Variants in PDK2 observed in about 807,000 individuals in gnomAD.
The protein encoded by PDK2 is pyruvate dehydrogenase kinase 2.
PDK2 carries 34 observed loss-of-function variants against 50.4 expected under a neutral mutation model. The observed-to-expected ratio is 0.68, with a 90% CI of 0.51 to 0.90. The LOEUF is 0.90. Ranked by LOEUF, PDK2 falls within the 40% of genes least tolerant of loss-of-function variation. The probability of loss-of-function intolerance (pLI) is 0.00; values close to 1 mark genes in which losing one functional copy is unlikely to be tolerated. For synonymous variants in PDK2, 232 were observed against 216.0 expected (o/e 1.07, Z -0.65); for missense variants, 377 against 544.5 (o/e 0.69, Z 3.06).
chr17:50,105,441 C>T lies in PDK2; in HGVS notation c.331C>T (p.Gln111Ter). ...KDPEDHRTLS[Q>*]FTDALVTIRN... ...TCCCGAGGACCATCGCACCCTGAGC[C>T]AGTGAGTGGGGGCCCTGGGTGGGGC... Residue 111 changes from glutamine (Q) to a stop codon, truncating the protein, a stop_gained and splice_region_variant, in exon 3 of 11, where the codon CAG (glutamine) becomes TAG (stop). Coordinates refer to ENST00000503176, the MANE Select transcript of PDK2 (RefSeq NM_002611.5). LOFTEE classifies it high-confidence loss of function. The T allele has an allele frequency of 6.2e-7, 1 of 1,613,504 alleles. No homozygotes were observed.
At chr17:50,108,516 C>A in intron 8 of PDK2, 96 bp from the exon 9 acceptor site, 1 of 1,366,446 alleles carries the variant, frequency 7.3e-7, no homozygotes, top group Non-Finnish European at 1.0e-6. Context: ...GTGGGCAGAT[C>A]CTGGGGGTGG....
Position 50,095,418 on chromosome 17 carries a change from GT to G in PDK2, c.-17del. 6.3e-7 allele frequency: 1 copy of G among 1,583,296 alleles called. No homozygotes were observed. The highest frequency in any genetic ancestry group is 8.6e-7 in the Non-Finnish European group (1 of 1,161,306). ...TGCCCGCGCGGGGACCACAACCAAA[GT>G]CGCGGCCGCCGCAGCCATGCGCTGG... is the stretch of plus-strand genomic sequence containing the variant. On this transcript the variant is annotated 5_prime_UTR_variant, in exon 1 of 11. Transcript: ENST00000503176.
chr17:50,099,560 G>A (rs1291235654), intron 2 of PDK2, among the ~76,000 whole-genome samples: 1 of 152,246 alleles, frequency 6.6e-6, no homozygotes, highest in Non-Finnish European at 1.5e-5. Context: ...TTGGGAGGCC[G>A]AGGCGGGCGG....
chr17:50,095,385 G>C lies in PDK2; in HGVS notation c.-51G>C, dbSNP rs1909876041. ...ACCGCGTCGCTGGGCCGAAAGGTGC[G>C]CGAGCGCTGCCCGCGCGGGGACCAC... On this transcript the variant is annotated 5_prime_UTR_variant, in exon 1 of 11. Transcript: ENST00000503176. 1 of 1,387,882 alleles carries C rather than the reference G, an allele frequency of 7.2e-7. No individual in the cohort carries two copies. The allele number at this position is 1,387,882 out of a possible 1,614,324, so 86.0% of individuals were successfully genotyped here. A position where few individuals can be genotyped will look rare whatever the true frequency, so the allele number is the denominator to read the frequency against.
intron 6 of PDK2, among the ~76,000 whole-genome samples, chr17:50,107,621 A>T (rs755520150): frequency 6.6e-6 from 1 of 152,210 alleles, no homozygotes; most frequent in Non-Finnish European, 1.5e-5. Flanking sequence ...ATGAAAGAGT[A>T]AGCAAGACAG....
chr17:50,097,712 A>G (rs2144345501), intron 2 of PDK2, 148 bp downstream of exon 2: 2 of 865,670 alleles, frequency 2.3e-6, no homozygotes, highest in South Asian at 1.7e-5. Context: ...GGAGTTGCCT[A>G]GGGTCACGTG....
intron 3 of PDK2, 43 bp from the exon 4 acceptor site, chr17:50,105,842 G>A: frequency 6.3e-7 from 1 of 1,596,408 alleles, no homozygotes. Flanking sequence ...AAGCGGAGAA[G>A]AGTCTGGGGG....
At chr17:50,100,872 A>C (rs1306254619) in intron 2 of PDK2, 1 of 152,236 alleles carries the variant, frequency 6.6e-6, no homozygotes, top group East Asian at 1.9e-4. Context: ...GAAAGGAGGG[A>C]GCCTGCACTC....
intron 1 of PDK2, chr17:50,095,833 T>A (rs1909909631): frequency 3.5e-6 from 4 of 1,154,318 alleles, no homozygotes; most frequent in Non-Finnish European, 4.4e-6. Context: ...GAAGCTGTGA[T>A]GTTACTGCAG....
intron 2 of PDK2, among the ~76,000 whole-genome samples, chr17:50,104,162 G>A (rs973250706): frequency 6.6e-6 from 1 of 152,142 alleles, no homozygotes; most frequent in Non-Finnish European, 1.5e-5. Context: ...CCCAGGGCAC[G>A]GGGCACAGTG....
rs1460742918 is a variant in PDK2, at chr17:50,109,993, TACA to T, written c.1125_1127del (p.Asn375del). ...GGACTCGGTGGAGCGCCTGCCTGTC[TACA>T]ACAAGTCAGCCTGGCGCCACTACCA... On this transcript the variant is annotated inframe_deletion, in exon 11 of 11. Coordinates refer to ENST00000503176, the MANE Select transcript of PDK2 (RefSeq NM_002611.5). This position sits in a 1 kb window ranked among gnomAD's most constrained non-coding sequence, Gnocchi z 5.0. The T allele has an allele frequency of 3.1e-6, 5 of 1,594,992 alleles. No homozygotes were observed. In the South Asian group the frequency reaches 3.4e-5, roughly 11 times the overall value.
chr17:50,108,056 T>C, intron 6 of PDK2, 100 bp from the exon 7 acceptor site: 2 of 889,264 alleles, frequency 2.2e-6, no homozygotes, highest in Non-Finnish European at 1.8e-6. Context: ...GGCAGCCATG[T>C]ACTCAGAACT....
In PDK2 at chr17:50,110,155, G is replaced by A. The variant is rs1567715385; in HGVS notation, c.*58G>A. 13 of 1,505,948 alleles carry A rather than the reference G, an allele frequency of 8.6e-6. No individual in the cohort carries two copies. Among genetic ancestry groups the A allele is most frequent in the South Asian group, 2.6e-5 (2 of 77,868 alleles). The allele number at this position is 1,505,948 out of a possible 1,614,324, so 93.3% of individuals were successfully genotyped here. On this transcript the variant is annotated 3_prime_UTR_variant, in exon 11 of 11. Transcript: ENST00000503176. ...ACTGCCGCCTCTGGGTCCCCCCACC[G>A]TGGTGCCCCTCACCATCCTCCTGGG...
chr17:50,108,804 C>T, intron 9 of PDK2, 85 bp downstream of exon 9: 1 of 837,070 alleles, frequency 1.2e-6, no homozygotes, highest in South Asian at 1.6e-5. Context: ...GCTCACTCAG[C>T]TTCTGTGTGG....
intron 1 of PDK2, chr17:50,095,933 G>A: frequency 1.9e-6 from 1 of 527,820 alleles, no homozygotes; most frequent in Non-Finnish European, 2.5e-6. Context: ...CCCACCAGAG[G>A]AAACCGGGGG....
rs539521744 is a variant in PDK2 at position 50,106,815 on chromosome 17, C to T, written c.539C>T (p.Thr180Ile). Residue 180 changes from threonine to isoleucine, a missense_variant, in exon 5 of 11, where the codon ACC (threonine) becomes ATC (isoleucine). Thr to Ile is a moderately conservative substitution (Grantham distance 89). Transcript: ENST00000503176. ...GCAGCCCTCATCTTTGATGGCAGCA[C>T]CAACCCAGCCCATCCCAAACACATC... ...NQHTLIFDGS[T>I]NPAHPKHIGS... 1.9e-6 allele frequency: 3 copies of T among 1,614,136 alleles called. No homozygotes were observed. In the Admixed American group the frequency reaches 5.0e-5, roughly 27 times the overall value.
At position 50,105,919 on chromosome 17, in the gene PDK2, CACA is replaced by C; in HGVS notation, c.370_372del (p.Asn124del). On this transcript the variant is annotated inframe_deletion, in exon 4 of 11. Transcript: ENST00000503176. ...CGCCCTGGTCACCATCCGGAACCGG[CACA>C]ACGACGTGGTGCCCACCATGGCACA... 1 of 1,613,718 alleles carries C rather than the reference CACA, an allele frequency of 6.2e-7. No homozygotes were observed. Among genetic ancestry groups the C allele is most frequent in the Non-Finnish European group, 8.5e-7 (1 of 1,179,834 alleles).
chr17:50,097,535 C>T lies in PDK2; in HGVS notation c.231C>T (p.Ser77=). Residue 77 remains serine (S), a synonymous_variant, in exon 2 of 11, where the codon AGC becomes AGT. Coordinates refer to ENST00000503176, the MANE Select transcript of PDK2 (RefSeq NM_002611.5). ...EINLLPDRVL[S]TPSVQLVQSW... is the part of the protein sequence containing the mutation. ...ACCTGCTTCCCGACCGAGTGCTGAG[C>T]ACACCCTCCGTGCAGCTGGTGCAGA... The T allele has an allele frequency of 6.2e-7, 1 of 1,613,698 alleles. No individual in the cohort carries two copies. Among genetic ancestry groups the T allele is most frequent in the African/African-American group, 1.3e-5 (1 of 75,032 alleles).
chr17:50,102,192 G>A (rs551557744), intron 2 of PDK2, among the ~76,000 whole-genome samples: 27 of 152,314 alleles, frequency 1.8e-4, no homozygotes, highest in Admixed American at 3.3e-4. Flanking sequence ...CAGGGACCTC[G>A]GGGAAAATCC....
Sources: gnomAD v4.1 joint callset for allele counts (sites outside exome capture counted in the v4.1 genomes callset) on GRCh38, gnomAD v4.1.1 for gene constraint, Gnocchi (gnomAD v3.1) non-coding constraint, MANE v1.5 for transcripts, NCBI Gene and HGNC (gene_info 2026-07-23, HGNC 2026-07-21) for gene names.